Variants in MAN1A2 observed in about 807,000 individuals in gnomAD.
The protein encoded by MAN1A2 is mannosidase alpha class 1A member 2, also known as mannosyl-oligosaccharide 1,2-alpha-mannosidase IB.
A neutral mutation model predicts 75.7 loss-of-function variants in MAN1A2; 26 were observed. The ratio of observed to expected loss-of-function variants is 0.34; its 90% confidence interval spans 0.25 to 0.48. MAN1A2 has a LOEUF of 0.48. Ranked by LOEUF, MAN1A2 falls within the 20% of genes least tolerant of loss-of-function variation. MAN1A2 has a pLI of 0.99. For synonymous variants in MAN1A2, 247 were observed against 264.6 expected (o/e 0.93, Z 0.65); for missense variants, 562 against 775.5 (o/e 0.72, Z 3.27).
At chr1:117,487,214 T>C (rs1650735730) in intron 8 of MAN1A2, among the ~76,000 whole-genome samples, 1 of 151,982 alleles carries the variant, frequency 6.6e-6, no homozygotes, top group Non-Finnish European at 1.5e-5. Context: ...TATTTCAGAA[T>C]GTGATTCAGT....
chr1:117,503,537 G>T (rs1374797341), intron 12 of MAN1A2, among the ~76,000 whole-genome samples: 1 of 151,606 alleles, frequency 6.6e-6, no homozygotes, highest in South Asian at 2.1e-4. Context: ...ACCCCAGGTA[G>T]AGGTCTCTGT....
chr1:117,372,151 G>T (rs1340036892), intron 1 of MAN1A2, among the ~76,000 whole-genome samples: 1 of 152,150 alleles, frequency 6.6e-6, no homozygotes, highest in African/African-American at 2.4e-5. Context: ...AATCACTTTG[G>T]TTGCAATGAT....
chr1:117,462,323 T>C (rs1400965074), intron 7 of MAN1A2, among the ~76,000 whole-genome samples: 1 of 152,132 alleles, frequency 6.6e-6, no homozygotes, highest in Non-Finnish European at 1.5e-5. Flanking sequence ...AAAATAGTAA[T>C]GAAAAATGAA....
intron 8 of MAN1A2, among the ~76,000 whole-genome samples, chr1:117,473,968 T>TA (rs1172486321): frequency 6.6e-6 from 1 of 151,942 alleles, no homozygotes; most frequent in South Asian, 2.1e-4. Context: ...GAAGGAGTTA[T>TA]AAAAAAGTTG....
At chr1:117,477,274 G>A (rs372196598) in intron 8 of MAN1A2, among the ~76,000 whole-genome samples, 3 of 151,970 alleles carry the variant, frequency 2.0e-5, no homozygotes, top group Middle Eastern at 3.4e-3. Flanking sequence ...GAAATCCTCC[G>A]TAACTTATTT....
In MAN1A2 at chr1:117,465,936, C is replaced by T. The variant is rs77942676; in HGVS notation, c.1075-398C>T. ...TTAATAACTTTTCAAAATACAATGG[C>T]ATTTTATGATTCAATTCCTGTGAAG... is the stretch of plus-strand genomic sequence containing the variant. On this transcript the variant is annotated intron_variant, in intron 7 of 12. Transcript: ENST00000356554. Among the ~76,000 whole-genome samples the T allele has an allele frequency of 4.5e-3, 681 of 152,168 alleles. 6 individuals are homozygous for T. The highest frequency in any genetic ancestry group is 0.016 in the African/African-American group (649 of 41,532).
chr1:117,457,947 C>T (rs1381497030), intron 6 of MAN1A2, among the ~76,000 whole-genome samples: 1 of 152,180 alleles, frequency 6.6e-6, no homozygotes, highest in African/African-American at 2.4e-5. Context: ...ATTACATCTG[C>T]TGTTTCCCTT....
intron 8 of MAN1A2, among the ~76,000 whole-genome samples, chr1:117,486,095 A>T (rs953034828): frequency 6.6e-6 from 1 of 152,046 alleles, no homozygotes; most frequent in Non-Finnish European, 1.5e-5. Context: ...CAGAAATGCA[A>T]ATAAATGATA....
At position 117,402,232 on chromosome 1, in the gene MAN1A2, A is replaced by G. The variant is rs1393030005; in HGVS notation, c.349A>G (p.Lys117Glu). The part of the protein sequence containing the change: ...LRNKIRADHE[K>E]ALEEAKEKLR... The stretch of plus-strand genomic sequence containing the variant: ...AAATAAAATTCGAGCTGATCATGAG[A>G]AGGCCTTGGAAGAAGCAAAAGAAAA... The change falls in exon 2 of 13, where the codon AAG (lysine) becomes GAG (glutamate). Residue 117 changes from lysine to glutamate, a missense_variant. Around this residue, in one of 2 missense-constraint regions of MAN1A2, gnomAD observed 434 missense variants for 645.7 expected, o/e 0.67. Coordinates refer to ENST00000356554, the MANE Select transcript of MAN1A2 (RefSeq NM_006699.5). 12 of 1,613,354 alleles carry G rather than the reference A, an allele frequency of 7.4e-6. No individual in the cohort carries two copies. The South Asian group carries it at 1.3e-4, about 18-fold the overall frequency.
chr1:117,485,923 C>T (rs1372951096), intron 8 of MAN1A2, among the ~76,000 whole-genome samples: 2 of 151,934 alleles, frequency 1.3e-5, no homozygotes, highest in East Asian at 3.9e-4. Flanking sequence ...AGAAAGCAGC[C>T]AGTCAGTATT....
chr1:117,446,300 T>C (rs1215448964), intron 6 of MAN1A2, among the ~76,000 whole-genome samples: 2 of 152,120 alleles, frequency 1.3e-5, no homozygotes, highest in East Asian at 1.9e-4. Flanking sequence ...TATTATTTCC[T>C]TCTCTTTTCT....
intron 6 of MAN1A2, among the ~76,000 whole-genome samples, chr1:117,458,710 A>C (rs1035399719): frequency 1.3e-5 from 2 of 151,392 alleles, no homozygotes; most frequent in Admixed American, 1.3e-4. Context: ...TTTTAGTAGA[A>C]ATGGGGTTTC....
chr1:117,461,793 A>G (rs564976666), intron 7 of MAN1A2, among the ~76,000 whole-genome samples: 1 of 152,234 alleles, frequency 6.6e-6, no homozygotes, highest in East Asian at 1.9e-4. Flanking sequence ...AATTTCAGTC[A>G]TCCCCAAATT....
chr1:117,443,575 AG>A (rs1649114196), intron 6 of MAN1A2, among the ~76,000 whole-genome samples: 2 of 151,956 alleles, frequency 1.3e-5, no homozygotes, highest in African/African-American at 4.8e-5. Flanking sequence ...GTCTACATAG[AG>A]GAAAAGAACT....
chr1:117,371,594 C>T (rs940780035), intron 1 of MAN1A2, among the ~76,000 whole-genome samples: 1 of 152,018 alleles, frequency 6.6e-6, no homozygotes, highest in African/African-American at 2.4e-5. Flanking sequence ...AAGCAGAAGA[C>T]ACAACATGTG....
Position 117,448,257 on chromosome 1 carries a change from TAAAG to T in MAN1A2, c.950+5940_950+5943del, listed in dbSNP as rs554451509. On this transcript the variant is annotated intron_variant, in intron 6 of 12. Transcript: ENST00000356554. ...GTTTAAAAGAAAACTGAACATGTTT[TAAAG>T]AAAGAAAATAAAATTCAGATATCCA... 7.6e-3 allele frequency among the ~76,000 whole-genome samples: 1,150 copies of T among 152,310 alleles called. 15 individuals are homozygous for T. Among genetic ancestry groups the T allele is most frequent in the African/African-American group, 0.024 (993 of 41,550 alleles).
At chr1:117,390,274 G>C (rs1038571163) in intron 1 of MAN1A2, among the ~76,000 whole-genome samples, 2 of 151,780 alleles carry the variant, frequency 1.3e-5, no homozygotes, top group Non-Finnish European at 2.9e-5. Context: ...AGTTTTCTTT[G>C]TGGAGAGGTT....
chr1:117,410,325 A>G (rs945658782), intron 3 of MAN1A2, among the ~76,000 whole-genome samples: 1 of 151,968 alleles, frequency 6.6e-6, no homozygotes, highest in Non-Finnish European at 1.5e-5. Context: ...ATAAAAGAGA[A>G]AAATCATAGG....
intron 1 of MAN1A2, among the ~76,000 whole-genome samples, chr1:117,386,137 TC>T (rs1445430676): frequency 1.4e-4 from 22 of 152,198 alleles, no homozygotes; most frequent in African/African-American, 5.3e-4. Context: ...ACTAATTAAT[TC>T]CTGAATGTTT....
Sources: gnomAD v4.1 joint callset for allele counts (sites outside exome capture counted in the v4.1 genomes callset) on GRCh38, gnomAD v4.1.1 for gene constraint, gnomAD v4.1.1 regional missense constraint, MANE v1.5 for transcripts, NCBI Gene and HGNC (gene_info 2026-07-23, HGNC 2026-07-21) for gene names.